Variants in NOX3 observed in about 807,000 individuals in gnomAD.
NOX3 encodes the protein NADPH oxidase 3.
NOX3 carries 74 observed loss-of-function variants against 76.7 expected under a neutral mutation model. That is an observed-to-expected ratio of 0.96 (90% confidence interval 0.80 to 1.17). The LOEUF is 1.17. NOX3 is among the 50% of genes most tolerant of loss of function. The probability of loss-of-function intolerance (pLI) is 0.00; values close to 1 mark genes in which losing one functional copy is unlikely to be tolerated. For missense variants in NOX3, 695 were observed against 703.3 expected, an observed-to-expected ratio of 0.99 and a Z score of 0.13; for synonymous variants, 263 against 261.1, an observed-to-expected ratio of 1.01 and a Z score of -0.07.
intron 6 of NOX3, among the ~76,000 whole-genome samples, chr6:155,436,996 A>G (rs1373874177): frequency 1.3e-5 from 2 of 152,216 alleles, no homozygotes; most frequent in Non-Finnish European, 2.9e-5. Flanking sequence ...TCTTCAAGTG[A>G]AGGAGTCAAA....
At chr6:155,445,523 C>A (rs1380135006) in intron 4 of NOX3, among the ~76,000 whole-genome samples, 1 of 152,180 alleles carries the variant, frequency 6.6e-6, no homozygotes, top group African/African-American at 2.4e-5. Flanking sequence ...CCTGCTATCA[C>A]TCCCTTTTCT....
intron 12 of NOX3, among the ~76,000 whole-genome samples, chr6:155,401,013 T>C (rs968457058): frequency 2.6e-5 from 4 of 152,200 alleles, no homozygotes; most frequent in Non-Finnish European, 5.9e-5. Flanking sequence ...TCCCAGGGAA[T>C]GGTAGAGCCA....
chr6:155,418,472 C>A (rs1776648052), intron 10 of NOX3, among the ~76,000 whole-genome samples: 2 of 152,204 alleles, frequency 1.3e-5, no homozygotes, highest in South Asian at 2.1e-4. Flanking sequence ...ATATTTCTTT[C>A]ATGTATTACA....
At chr6:155,437,716 C>T (rs542275027) in intron 6 of NOX3, among the ~76,000 whole-genome samples, 16 of 152,316 alleles carry the variant, frequency 1.1e-4, no homozygotes, top group African/African-American at 3.8e-4. Flanking sequence ...CAGCATTCCC[C>T]ATAGTGTCTA....
chr6:155,418,517 T>A (rs1776648692), intron 10 of NOX3, among the ~76,000 whole-genome samples: 1 of 152,244 alleles, frequency 6.6e-6, no homozygotes, highest in South Asian at 2.1e-4. Flanking sequence ...AAGCCATCAT[T>A]ATACTTCTTG....
At chr6:155,451,926 C>A (rs749999423) in intron 4 of NOX3, among the ~76,000 whole-genome samples, 10 of 152,194 alleles carry the variant, frequency 6.6e-5, no homozygotes, top group African/African-American at 9.6e-5. Flanking sequence ...CCATGCCCGG[C>A]CTCTTTTCTG....
chr6:155,454,980 T>C, intron 2 of NOX3, 54 bp downstream of exon 2: 1 of 1,564,438 alleles, frequency 6.4e-7, no homozygotes, highest in Non-Finnish European at 8.8e-7. Flanking sequence ...CCAGGGAAAA[T>C]AAAATGCATT....
At chr6:155,400,921 A>C (rs1483887305) in intron 12 of NOX3, among the ~76,000 whole-genome samples, 1 of 152,140 alleles carries the variant, frequency 6.6e-6, no homozygotes, top group East Asian at 1.9e-4. Context: ...GCATAGATAA[A>C]GTTGCTTATA....
At chr6:155,416,923 G>A (rs1223392819) in intron 10 of NOX3, among the ~76,000 whole-genome samples, 1 of 151,754 alleles carries the variant, frequency 6.6e-6, no homozygotes, top group Non-Finnish European at 1.5e-5. Flanking sequence ...GCTAATTTTT[G>A]TATTTTTAGT....
intron 12 of NOX3, among the ~76,000 whole-genome samples, chr6:155,402,939 G>T (rs1229737174): frequency 1.3e-5 from 2 of 152,176 alleles, no homozygotes; most frequent in African/African-American, 4.8e-5. Flanking sequence ...GCTAACGACA[G>T]GACAGAACCG....
intron 10 of NOX3, among the ~76,000 whole-genome samples, chr6:155,419,097 C>G (rs1776656651): frequency 6.6e-6 from 1 of 152,232 alleles, no homozygotes; most frequent in Non-Finnish European, 1.5e-5. Context: ...ATTATATAGA[C>G]TCTGACAGTT....
chr6:155,416,240 G>A (rs769101449), intron 10 of NOX3, among the ~76,000 whole-genome samples: 1 of 152,218 alleles, frequency 6.6e-6, no homozygotes, highest in African/African-American at 2.4e-5. Flanking sequence ...ACAGACAGAA[G>A]CTTGAAACCA....
chr6:155,423,164 G>A (rs1424072857), intron 9 of NOX3, among the ~76,000 whole-genome samples: 1 of 152,140 alleles, frequency 6.6e-6, no homozygotes, highest in East Asian at 1.9e-4. Flanking sequence ...TTAGAAGCTT[G>A]TTTTGGCTCC....
intron 4 of NOX3, among the ~76,000 whole-genome samples, chr6:155,450,062 G>A (rs1777114631): frequency 6.6e-6 from 1 of 152,228 alleles, no homozygotes; most frequent in African/African-American, 2.4e-5. Context: ...TCCTGCATTT[G>A]CAGGGAGTGG....
At chr6:155,445,957 CTATATATATATAATATATATATGCTATA>C (rs1777057191) in intron 4 of NOX3, among the ~76,000 whole-genome samples, 5 of 126,114 alleles carry the variant, frequency 4.0e-5, no homozygotes, top group South Asian at 2.7e-4. Flanking sequence ...TATATATATG[CTATATATATATAATATATATATGCTATA>C]TATATATATA....
At chr6:155,408,394 C>A (rs73010632) in intron 11 of NOX3, among the ~76,000 whole-genome samples, 1,840 of 152,270 alleles carry the variant, frequency 0.012, 21 homozygotes, top group South Asian at 0.031. Context: ...ATCCCTTAGA[C>A]CCCTATGTGG....
chr6:155,409,813 GA>G (rs796487333), intron 11 of NOX3, among the ~76,000 whole-genome samples: 13 of 151,922 alleles, frequency 8.6e-5, no homozygotes, highest in African/African-American at 2.4e-4. Context: ...CTTGTGTTTA[GA>G]AAAAAAATAT....
At chr6:155,406,168 G>A (rs1582926928) in intron 12 of NOX3, among the ~76,000 whole-genome samples, 2 of 152,154 alleles carry the variant, frequency 1.3e-5, no homozygotes, top group East Asian at 3.8e-4. Context: ...AAGAGCCGTA[G>A]ACAATGAAGG....
At position 155,454,962 on chromosome 6, in the gene NOX3, A is replaced by T. The variant is rs369059459; in HGVS notation, c.145-41T>A. 769 of 1,583,516 alleles carry T rather than the reference A, an allele frequency of 4.9e-4. 1 individual carries two copies. Among genetic ancestry groups the T allele is most frequent in the Non-Finnish European group, 6.3e-4 (725 of 1,155,402 alleles). On this transcript the variant is annotated intron_variant, in intron 2 of 13. Coordinates refer to ENST00000159060, the MANE Select transcript of NOX3 (RefSeq NM_015718.3). ...GACATAAAAAAGAGATTCAGGGAAA[A>T]CAAGGATCCAGGGAAAATAAAATGC...
Sources: gnomAD v4.1 joint callset for allele counts (sites outside exome capture counted in the v4.1 genomes callset) on GRCh38, gnomAD v4.1.1 for gene constraint, MANE v1.5 for transcripts, NCBI Gene and HGNC (gene_info 2026-07-23, HGNC 2026-07-21) for gene names.